SPIDR: variants seen among roughly 807,000 people sequenced by gnomAD.
SPIDR encodes DNA repair-scaffolding protein.
A neutral mutation model predicts 104.6 loss-of-function variants in SPIDR; 93 were observed. The observed-to-expected ratio is 0.89, with a 90% CI of 0.75 to 1.06. SPIDR has a LOEUF of 1.06. Among genes scored for constraint, SPIDR ranks in the 50% least tolerant of loss-of-function variants. The pLI is 0.00. For synonymous variants in SPIDR, 431 were observed against 416.9 expected (o/e 1.03, Z -0.41); for missense variants, 1,154 against 1,111.2 (o/e 1.04, Z -0.55).
At chr8:47,363,615 T>G (rs545986335) in intron 5 of SPIDR, among the ~76,000 whole-genome samples, 2 of 152,222 alleles carry the variant, frequency 1.3e-5, no homozygotes, top group Admixed American at 6.5e-5. Flanking sequence ...GCTTGTTGGA[T>G]AGCTACTTTC....
chr8:47,487,272 T>C (rs1390418415), intron 8 of SPIDR, among the ~76,000 whole-genome samples: 4 of 152,158 alleles, frequency 2.6e-5, no homozygotes, highest in African/African-American at 9.7e-5. Flanking sequence ...CATTACATAA[T>C]GGTGAAGGGA....
intron 8 of SPIDR, among the ~76,000 whole-genome samples, chr8:47,583,515 A>G (rs187144896): frequency 6.6e-6 from 1 of 152,240 alleles, no homozygotes; most frequent in Non-Finnish European, 1.5e-5. Flanking sequence ...TTGTCATATA[A>G]CATTTGTGAC....
intron 8 of SPIDR, among the ~76,000 whole-genome samples, chr8:47,580,354 T>A (rs936089166): frequency 1.3e-5 from 2 of 152,192 alleles, no homozygotes; most frequent in African/African-American, 4.8e-5. Flanking sequence ...CGACCATCCT[T>A]CCCACTGAGC....
At chr8:47,575,493 A>G (rs1475366193) in intron 8 of SPIDR, among the ~76,000 whole-genome samples, 1 of 149,392 alleles carries the variant, frequency 6.7e-6, no homozygotes, top group African/African-American at 2.5e-5. Flanking sequence ...AATACAAAAA[A>G]AAAATTAGCC....
chr8:47,501,339 T>G (rs991894279), intron 8 of SPIDR, among the ~76,000 whole-genome samples: 2 of 152,210 alleles, frequency 1.3e-5, no homozygotes, highest in Non-Finnish European at 2.9e-5. Flanking sequence ...TTTGTAGTTC[T>G]CCTTGAAGAG....
At position 47,491,116 on chromosome 8, in the gene SPIDR, C is replaced by T. The variant is rs566446768; in HGVS notation, c.1097+50574C>T. Reference sequence around the variant, plus strand: ...CGTGGTACTTCAAACTTTAAAAAGACGTATTCAGAAATAAATCAACATGAA... The same window carrying T: ...CGTGGTACTTCAAACTTTAAAAAGATGTATTCAGAAATAAATCAACATGAA... On this transcript the variant is annotated intron_variant, in intron 8 of 19. Coordinates refer to ENST00000297423, the MANE Select transcript of SPIDR (RefSeq NM_001080394.4). 8.3e-4 allele frequency among the ~76,000 whole-genome samples: 126 copies of T among 152,098 alleles called. 3 individuals are homozygous for T. The Middle Eastern group carries it at 0.014, about 16-fold the overall frequency.
chr8:47,376,493 A>G (rs909744162), intron 5 of SPIDR, among the ~76,000 whole-genome samples: 15 of 152,182 alleles, frequency 9.9e-5, no homozygotes, highest in Admixed American at 7.9e-4. Flanking sequence ...GAGCTGATAA[A>G]TGGGTCGTGT....
intron 8 of SPIDR, among the ~76,000 whole-genome samples, chr8:47,563,240 GCTCA>G (rs942337281): frequency 1.3e-5 from 2 of 151,990 alleles, no homozygotes; most frequent in African/African-American, 4.8e-5. Context: ...CCCCGTCAGG[GCTCA>G]CTGCAGCCTC....
chr8:47,501,914 G>T (rs2080524391), intron 8 of SPIDR, among the ~76,000 whole-genome samples: 1 of 152,108 alleles, frequency 6.6e-6, no homozygotes, highest in Non-Finnish European at 1.5e-5. Flanking sequence ...TATGGTTTTT[G>T]TCATTGGTTC....
Position 47,599,197 on chromosome 8 carries a change from G to GT in SPIDR, c.1544+2dup. On this transcript the variant is annotated splice_donor_variant, in intron 10 of 19. Transcript: ENST00000297423. LOFTEE classifies it high-confidence loss of function. ...GACACACAGACCCAGCTGGAACTCG[G>GT]TGAGTGCCAAGATGCTGGTGTGGGG... The GT allele has an allele frequency of 6.2e-7, 1 of 1,613,076 alleles. No homozygotes were observed. Among genetic ancestry groups the GT allele is most frequent in the Non-Finnish European group, 8.5e-7 (1 of 1,179,640 alleles).
Position 47,652,899 on chromosome 8 carries a change from A to G in SPIDR, c.1545-20902A>G, listed in dbSNP as rs532691840. Among the ~76,000 whole-genome samples the G allele has an allele frequency of 4.6e-5, 7 of 152,290 alleles. No individual in the cohort carries two copies. In the East Asian group the frequency reaches 1.4e-3, roughly 29 times the overall value. ...TGAAACCCTGATTCAGAAGCGAATC[A>G]CCTAAGGATGATTCAACACTGTGTT... On this transcript the variant is annotated intron_variant, in intron 10 of 19. Transcript: ENST00000297423.
intron 1 of SPIDR, among the ~76,000 whole-genome samples, chr8:47,271,401 C>T (rs2035297802): frequency 6.6e-6 from 1 of 152,044 alleles, no homozygotes; most frequent in Non-Finnish European, 1.5e-5. Flanking sequence ...TTTTTCTTTA[C>T]ACTCTTTTTT....
chr8:47,378,248 C>T (rs1179172443), intron 5 of SPIDR, among the ~76,000 whole-genome samples: 2 of 152,110 alleles, frequency 1.3e-5, no homozygotes, highest in Admixed American at 6.6e-5. Flanking sequence ...ATTGTTTTAG[C>T]TCATTGTGGC....
intron 8 of SPIDR, among the ~76,000 whole-genome samples, chr8:47,484,148 C>G (rs1554729096): frequency 6.6e-6 from 1 of 152,188 alleles, no homozygotes; most frequent in African/African-American, 2.4e-5. Flanking sequence ...CACGTGACCT[C>G]ACCGAAAGAA....
At chr8:47,403,164 C>CTA (rs1436073679) in intron 6 of SPIDR, among the ~76,000 whole-genome samples, 1 of 152,174 alleles carries the variant, frequency 6.6e-6, no homozygotes, top group Admixed American at 6.5e-5. Flanking sequence ...GCCCTTCATG[C>CTA]TAAAAACTCT....
intron 10 of SPIDR, among the ~76,000 whole-genome samples, chr8:47,600,728 T>C (rs189793270): frequency 6.5e-4 from 99 of 152,314 alleles, no homozygotes; most frequent in Non-Finnish European, 1.2e-3. Context: ...GTTTTTGTTT[T>C]GCTTGGCCTT....
At chr8:47,735,095 GGTGTGTGTGTGTGTGGGTGTGTGTGT>G (rs957409160) in intron 19 of SPIDR, among the ~76,000 whole-genome samples, 186 bp from the exon 20 acceptor site, 171 of 146,154 alleles carry the variant, frequency 1.2e-3, no homozygotes, top group Middle Eastern at 6.9e-3. Context: ...TGGGTGTGTG[GGTGTGTGTGTGTGTGGGTGTGTGTGT>G]GTGTGTGTGT....
At chr8:47,491,785 G>T (rs564150468) in intron 8 of SPIDR, among the ~76,000 whole-genome samples, 1 of 152,066 alleles carries the variant, frequency 6.6e-6, no homozygotes, top group Admixed American at 6.6e-5. Flanking sequence ...ATGAGTTCAA[G>T]GCTGTAGTGA....
At chr8:47,588,033 ATATATATATATATATATAT>A (rs2060473758) in intron 8 of SPIDR, among the ~76,000 whole-genome samples, 289 of 23,298 alleles carry the variant, frequency 0.012, 15 homozygotes, top group Non-Finnish European at 0.016. Context: ...TAGCATATAT[ATATATATATATATATATAT>A]ATATATATAT....
Sources: gnomAD v4.1 joint callset for allele counts (sites outside exome capture counted in the v4.1 genomes callset) on GRCh38, gnomAD v4.1.1 for gene constraint, MANE v1.5 for transcripts, NCBI Gene and HGNC (gene_info 2026-07-23, HGNC 2026-07-21) for gene names.